Variants in EEA1 observed in about 807,000 individuals in gnomAD.
EEA1 encodes early endosome antigen 1.
EEA1 carries 111 observed loss-of-function variants against 209.2 expected under a neutral mutation model. That is an observed-to-expected ratio of 0.53 (90% CI 0.45 to 0.62). The LOEUF is 0.62. EEA1 is among the 20% of genes least tolerant of loss of function. The pLI, the probability that EEA1 is intolerant of heterozygous loss-of-function variation, is 0.00. For missense variants in EEA1, 1,343 were observed against 1,530.8 expected, an observed-to-expected ratio of 0.88 and a Z score of 2.05; for synonymous variants, 536 against 540.6, an observed-to-expected ratio of 0.99 and a Z score of 0.12.
At chr12:92,869,469 C>T (rs981601805) in intron 2 of EEA1, among the ~76,000 whole-genome samples, 3 of 151,724 alleles carry the variant, frequency 2.0e-5, no homozygotes, top group African/African-American at 7.3e-5. Flanking sequence ...CCTGGCCGGG[C>T]GCAGTTGTTC....
chr12:92,811,301 T>C lies in EEA1; in HGVS notation c.2177A>G (p.Glu726Gly). 1.3e-6 allele frequency: 2 copies of C among 1,572,374 alleles called. No homozygotes were observed. Among genetic ancestry groups the C allele is most frequent in the Non-Finnish European group, 1.7e-6 (2 of 1,163,518 alleles). ...AACCTTAATTTGACCTTCTAGCTCT[T>C]CGGTTTTCTGTTCTAAAGAGAGGTA... ...EKYLSLEQKT[E>G]ELEGQIKKLE... is the part of the protein sequence containing the mutation. The change falls in exon 17 of 29, where the codon GAA becomes GGA. Residue 726 changes from glutamate to glycine, a missense_variant. By Grantham distance (98) the Glu-to-Gly change is moderately conservative (BLOSUM62 -2). Transcript: ENST00000322349.
intron 24 of EEA1, 89 bp downstream of exon 24, chr12:92,780,191 C>CAATA (rs1873845281): frequency 6.5e-6 from 9 of 1,389,614 alleles, no homozygotes; most frequent in South Asian, 1.4e-5. Flanking sequence ...AGCAAGTTCT[C>CAATA]AATAAATAAA....
intron 10 of EEA1, among the ~76,000 whole-genome samples, chr12:92,834,477 T>C (rs1414139465): frequency 7.2e-6 from 1 of 138,728 alleles, no homozygotes; most frequent in Non-Finnish European, 1.5e-5. Flanking sequence ...CCCAAGAGTT[T>C]AAGGCTGCAG....
At chr12:92,804,578 A>AG (rs1439063492) in intron 18 of EEA1, among the ~76,000 whole-genome samples, 4 of 151,802 alleles carry the variant, frequency 2.6e-5, no homozygotes, top group Non-Finnish European at 4.4e-5. Context: ...TCTCAAAAAA[A>AG]AAAAAAAAAA....
At chr12:92,793,512 G>C (rs572634354) in intron 21 of EEA1, among the ~76,000 whole-genome samples, 1 of 152,224 alleles carries the variant, frequency 6.6e-6, no homozygotes, top group African/African-American at 2.4e-5. Flanking sequence ...GCCAAATCAT[G>C]AGTGAACTCC....
At chr12:92,781,061 C>A (rs966176017) in intron 23 of EEA1, among the ~76,000 whole-genome samples, 3 of 152,128 alleles carry the variant, frequency 2.0e-5, no homozygotes, top group African/African-American at 7.2e-5. Flanking sequence ...CAGGTGTGCA[C>A]CACCATGCCC....
chr12:92,893,299 T>C lies in EEA1; in HGVS notation c.25-1578A>G, dbSNP rs191800464. ...GTATATGCTAGCATTATCCACACTT[T>C]ACAAATGAGGGAACCAAGGCATAGA... On this transcript the variant is annotated intron_variant, in intron 1 of 28. Transcript: ENST00000322349. Among the ~76,000 whole-genome samples, 148 of 152,312 alleles carry C rather than the reference T, an allele frequency of 9.7e-4. 1 individual carries two copies. Among genetic ancestry groups the C allele is most frequent in the African/African-American group, 3.2e-3 (135 of 41,562 alleles).
chr12:92,853,922 T>C lies in EEA1; in HGVS notation c.399A>G (p.Ser133=). The C allele has an allele frequency of 6.2e-7, 1 of 1,601,662 alleles. No individual in the cohort carries two copies. The highest frequency in any genetic ancestry group is 8.5e-7 in the Non-Finnish European group (1 of 1,175,210). Reference sequence around the variant, plus strand: ...TGCTTTAAGTAAAGTTACCTGCTGATGAATCAGTCACCAACCCATCAGGTT... The same window carrying C: ...TGCTTTAAGTAAAGTTACCTGCTGACGAATCAGTCACCAACCCATCAGGTT... ...EAKPDGLVTD[S]SAELQSLEQQ... is the part of the protein sequence containing the mutation. The change falls in exon 6 of 29, where the codon TCA becomes TCG. Residue 133 remains serine (S), a synonymous_variant. Coordinates refer to ENST00000322349, the MANE Select transcript of EEA1 (RefSeq NM_003566.4).
chr12:92,789,551 T>C (rs1356118158), intron 21 of EEA1, among the ~76,000 whole-genome samples: 1 of 151,968 alleles, frequency 6.6e-6, no homozygotes, highest in African/African-American at 2.4e-5. Context: ...AGCTGTTACT[T>C]CTGAGCCTGG....
intron 10 of EEA1, among the ~76,000 whole-genome samples, chr12:92,833,550 T>C (rs925144940): frequency 6.6e-6 from 1 of 152,132 alleles, no homozygotes; most frequent in Non-Finnish European, 1.5e-5. Context: ...AAATTAACAC[T>C]AAACATTTTA....
chr12:92,886,705 AAG>A (rs1402005384), intron 2 of EEA1, among the ~76,000 whole-genome samples: 1 of 151,354 alleles, frequency 6.6e-6, no homozygotes, highest in Non-Finnish European at 1.5e-5. Flanking sequence ...GGAAGGAAAA[AAG>A]AAAAAGAAAA....
intron 22 of EEA1, among the ~76,000 whole-genome samples, chr12:92,786,445 A>C (rs1274856675): frequency 2.6e-5 from 4 of 152,168 alleles, no homozygotes; most frequent in African/African-American, 9.7e-5. Context: ...TTTTACCTCC[A>C]GATAAACAGA....
rs539449799 is a variant in EEA1 at position 92,851,898 on chromosome 12, A to G, written c.642+277T>C. Among the ~76,000 whole-genome samples the G allele has an allele frequency of 2.6e-5, 4 of 152,272 alleles. No individual in the cohort carries two copies. The East Asian group carries it at 7.7e-4, about 29-fold the overall frequency. ...TAAAACAAACATGCAAGAGAAGACC[A>G]GGATCAGAGATGCAGATATGAAAAC... On this transcript the variant is annotated intron_variant, in intron 8 of 28. Coordinates refer to ENST00000322349, the MANE Select transcript of EEA1 (RefSeq NM_003566.4).
At chr12:92,911,461 T>C (rs1880579443) in intron 1 of EEA1, among the ~76,000 whole-genome samples, 1 of 152,074 alleles carries the variant, frequency 6.6e-6, no homozygotes, top group Non-Finnish European at 1.5e-5. Context: ...AGTGAAAAGA[T>C]CAATGTTTGC....
intron 3 of EEA1, among the ~76,000 whole-genome samples, chr12:92,863,053 T>C (rs995789535): frequency 3.3e-5 from 5 of 152,184 alleles, no homozygotes; most frequent in East Asian, 1.9e-4. Context: ...TGGATGTAGA[T>C]ATTACCCTAG....
intron 9 of EEA1, among the ~76,000 whole-genome samples, chr12:92,850,052 G>A (rs538866512): frequency 3.9e-5 from 6 of 152,116 alleles, no homozygotes; most frequent in Admixed American, 6.6e-5. Context: ...GGGATTTACA[G>A]GCCAAAGTCA....
At chr12:92,896,922 C>A (rs78617428) in intron 1 of EEA1, among the ~76,000 whole-genome samples, 1 of 152,248 alleles carries the variant, frequency 6.6e-6, no homozygotes, top group East Asian at 1.9e-4. Flanking sequence ...CATTTGTAAT[C>A]CTAGTGCTTT....
At chr12:92,812,321 A>C (rs1185105082) in intron 16 of EEA1, among the ~76,000 whole-genome samples, 1 of 151,784 alleles carries the variant, frequency 6.6e-6, no homozygotes, top group Non-Finnish European at 1.5e-5. Flanking sequence ...AAGAGCAAAA[A>C]ACTCCATCTA....
intron 1 of EEA1, among the ~76,000 whole-genome samples, chr12:92,900,037 G>A (rs1007788434): frequency 6.6e-6 from 1 of 152,160 alleles, no homozygotes; most frequent in African/African-American, 2.4e-5. Flanking sequence ...TGGGAGACTG[G>A]AGATTCCTAA....
Sources: gnomAD v4.1 joint callset for allele counts (sites outside exome capture counted in the v4.1 genomes callset) on GRCh38, gnomAD v4.1.1 for gene constraint, MANE v1.5 for transcripts, NCBI Gene and HGNC (gene_info 2026-07-23, HGNC 2026-07-21) for gene names.